Variants in TMEM38B observed in about 807,000 individuals in gnomAD.
The protein encoded by TMEM38B is transmembrane protein 38B.
TMEM38B carries 24 observed loss-of-function variants against 28.7 expected under a neutral mutation model. The ratio of observed to expected loss-of-function variants is 0.84; its 90% CI spans 0.61 to 1.18. The LOEUF (loss-of-function observed/expected upper bound fraction) is 1.18, where lower values mean the gene tolerates loss of function less well. Among genes scored for constraint, TMEM38B ranks in the 50% most tolerant of loss-of-function variants. TMEM38B has a pLI of 0.00. For synonymous variants in TMEM38B, 131 were observed against 127.7 expected, an observed-to-expected ratio of 1.03 and a Z score of -0.17; for missense variants, 380 against 350.9, an observed-to-expected ratio of 1.08 and a Z score of -0.66.
intron 4 of TMEM38B, among the ~76,000 whole-genome samples, chr9:105,738,337 C>G (rs1837060812): frequency 6.6e-6 from 1 of 152,060 alleles, no homozygotes; most frequent in South Asian, 2.1e-4. Context: ...CAAGCTGACC[C>G]TGTCAGGGGA....
chr9:105,716,110 TG>T (rs1317724586), intron 2 of TMEM38B, among the ~76,000 whole-genome samples: 1 of 152,204 alleles, frequency 6.6e-6, no homozygotes, highest in East Asian at 1.9e-4. Flanking sequence ...TTCCTTGGCT[TG>T]GTGTGGACCT....
intron 4 of TMEM38B, among the ~76,000 whole-genome samples, chr9:105,732,182 A>G (rs991333167): frequency 2.0e-5 from 3 of 152,050 alleles, no homozygotes; most frequent in Admixed American, 1.3e-4. Context: ...AAATTTGTTT[A>G]AGTTCTTTGT....
chr9:105,772,209 G>T (rs777787384), intron 5 of TMEM38B, among the ~76,000 whole-genome samples: 3 of 152,146 alleles, frequency 2.0e-5, no homozygotes, highest in Non-Finnish European at 2.9e-5. Context: ...TGTCTGCTAG[G>T]CTTTTGGATT....
At chr9:105,710,340 T>G in intron 2 of TMEM38B, 1 of 710,826 alleles carries the variant, frequency 1.4e-6, no homozygotes, top group Non-Finnish European at 2.5e-6. Context: ...CCAGCCAGTC[T>G]ATTTCTAGGA....
At chr9:105,713,839 T>C (rs1835997575) in intron 2 of TMEM38B, among the ~76,000 whole-genome samples, 1 of 152,046 alleles carries the variant, frequency 6.6e-6, no homozygotes. Flanking sequence ...CTGAGGCCCA[T>C]AAAAGCTCTG....
intron 2 of TMEM38B, among the ~76,000 whole-genome samples, 159 bp from the exon 3 acceptor site, chr9:105,721,378 C>T (rs563912262): frequency 1.3e-5 from 2 of 152,188 alleles, no homozygotes; most frequent in Admixed American, 1.3e-4. Flanking sequence ...AAAATTGCCT[C>T]CCTACCCAAG....
At chr9:105,705,176 A>G (rs1178818178) in intron 1 of TMEM38B, among the ~76,000 whole-genome samples, 3 of 152,124 alleles carry the variant, frequency 2.0e-5, no homozygotes, top group Non-Finnish European at 4.4e-5. Flanking sequence ...TTGAAAGCTT[A>G]GTTTATTTAT....
chr9:105,713,293 C>T (rs1448305579), intron 2 of TMEM38B, among the ~76,000 whole-genome samples: 1 of 152,196 alleles, frequency 6.6e-6, no homozygotes, highest in Non-Finnish European at 1.5e-5. Flanking sequence ...GCCCCCCAAA[C>T]CGGGGCTGCA....
intron 4 of TMEM38B, among the ~76,000 whole-genome samples, chr9:105,747,320 G>A (rs977932843): frequency 5.6e-4 from 85 of 152,218 alleles, no homozygotes; most frequent in Middle Eastern, 3.4e-3. Context: ...TGTATGTGTC[G>A]AGGAATTTAT....
intron 4 of TMEM38B, among the ~76,000 whole-genome samples, chr9:105,746,702 T>C (rs10978232): frequency 0.21 from 31,769 of 152,106 alleles, 5,141 homozygotes; most frequent in East Asian, 0.46. Flanking sequence ...CAGTATGATA[T>C]TGGCTGTGGG....
intron 1 of TMEM38B, among the ~76,000 whole-genome samples, chr9:105,699,984 T>C (rs1564383037): frequency 1.3e-5 from 2 of 152,252 alleles, no homozygotes; most frequent in Admixed American, 1.3e-4. Context: ...ACATTTTAAA[T>C]GTCTCTTAAG....
intron 5 of TMEM38B, among the ~76,000 whole-genome samples, chr9:105,750,411 G>T (rs931340538): frequency 8.6e-5 from 13 of 152,006 alleles, no homozygotes; most frequent in African/African-American, 2.4e-4. Flanking sequence ...ATCACCTGAG[G>T]TCAGGAGTTT....
At chr9:105,710,001 T>G (rs1357690359) in intron 2 of TMEM38B, among the ~76,000 whole-genome samples, 1 of 152,246 alleles carries the variant, frequency 6.6e-6, no homozygotes, top group African/African-American at 2.4e-5. Context: ...ATACGCTTAT[T>G]CATATTTAGG....
At chr9:105,755,582 C>A (rs894946298) in intron 5 of TMEM38B, among the ~76,000 whole-genome samples, 1 of 152,166 alleles carries the variant, frequency 6.6e-6, no homozygotes, top group African/African-American at 2.4e-5. Flanking sequence ...GGAACAACTT[C>A]ACAGTTTCTG....
At chr9:105,699,128 A>T (rs765424974) in intron 1 of TMEM38B, among the ~76,000 whole-genome samples, 1 of 152,158 alleles carries the variant, frequency 6.6e-6, no homozygotes, top group Non-Finnish European at 1.5e-5. Flanking sequence ...CATTTTGAAT[A>T]AGATACATTT....
intron 2 of TMEM38B, among the ~76,000 whole-genome samples, chr9:105,714,734 G>C (rs1371087104): frequency 1.3e-5 from 2 of 152,168 alleles, no homozygotes; most frequent in African/African-American, 4.8e-5. Flanking sequence ...TTTTGAATTA[G>C]TTTACTTTCT....
chr9:105,767,011 A>G (rs541989009), intron 5 of TMEM38B, among the ~76,000 whole-genome samples: 2 of 150,874 alleles, frequency 1.3e-5, no homozygotes, highest in Admixed American at 1.3e-4. Context: ...TGTCCTTGCG[A>G]TCGTTTGCTC....
chr9:105,725,470 A>G (rs890359885), intron 4 of TMEM38B, among the ~76,000 whole-genome samples: 1 of 151,546 alleles, frequency 6.6e-6, no homozygotes, highest in African/African-American at 2.4e-5. Context: ...TTATGTATAT[A>G]GTCATGTGTT....
At chr9:105,738,715 CTTTTTTTTTTTTT>C (rs71489351) in intron 4 of TMEM38B, among the ~76,000 whole-genome samples, 1 of 109,690 alleles carries the variant, frequency 9.1e-6, no homozygotes, top group African/African-American at 4.1e-5. Context: ...TAATTTTTTC[CTTTTTTTTTTTTT>C]TTTTTTTTGA....
Sources: allele counts gnomAD v4.1 joint callset (sites outside exome capture counted in the v4.1 genomes callset), GRCh38; gene constraint gnomAD v4.1.1; transcripts MANE v1.5; gene names NCBI Gene and HGNC (gene_info 2026-07-23, HGNC 2026-07-21).